Variants in ENTREP2 observed in about 807,000 individuals in gnomAD.
ENTREP2 encodes the protein endosomal transmembrane epsin interactor 2, also known as protein ENTREP2.
the ENTREP2 span, among the ~76,000 whole-genome samples, chr15:29,189,908 C>G: frequency 3.2e-3 from 490 of 152,324 alleles, 3 homozygotes; most frequent in African/African-American, 0.011. Flanking sequence ...GAACGGGGGT[C>G]TGTAGCCTTG....
the ENTREP2 span, chr15:29,268,462 G>A: frequency 2.2e-4 from 62 of 287,784 alleles, no homozygotes; most frequent in African/African-American, 1.3e-3. Context: ...TATTTTCTTG[G>A]CACCAAAGCA....
At chr15:29,118,528 A>G in the ENTREP2 span, among the ~76,000 whole-genome samples, 5 of 152,188 alleles carry the variant, frequency 3.3e-5, no homozygotes, top group African/African-American at 9.6e-5. Flanking sequence ...CCCCGCTGCA[A>G]CTGGAGGTGC....
At chr15:29,590,420 C>T in the ENTREP2 span, among the ~76,000 whole-genome samples, 2 of 152,066 alleles carry the variant, frequency 1.3e-5, no homozygotes. Context: ...CGGTGGCTCA[C>T]GCCTGTAATC....
chr15:29,345,968 T>C, the ENTREP2 span, among the ~76,000 whole-genome samples: 11,928 of 152,104 alleles, frequency 0.078, 914 homozygotes, highest in African/African-American at 0.2. Flanking sequence ...TCACACCAAT[T>C]CCACAAATTA....
chr15:29,294,144 T>G, the ENTREP2 span, among the ~76,000 whole-genome samples: 1 of 152,074 alleles, frequency 6.6e-6, no homozygotes, highest in Non-Finnish European at 1.5e-5. Context: ...AGGGTGGGTA[T>G]GGGCAGCCAG....
chr15:29,184,525 T>C, the ENTREP2 span, among the ~76,000 whole-genome samples: 1 of 152,090 alleles, frequency 6.6e-6, no homozygotes, highest in Non-Finnish European at 1.5e-5. Flanking sequence ...CTACCACCAG[T>C]TGAGTCTGCA....
At chr15:29,652,420 A>G in the ENTREP2 span, among the ~76,000 whole-genome samples, 1 of 152,324 alleles carries the variant, frequency 6.6e-6, no homozygotes, top group Non-Finnish European at 1.5e-5. Context: ...TCCTGGTTGC[A>G]GGGTAAGAAC....
the ENTREP2 span, among the ~76,000 whole-genome samples, chr15:29,312,057 A>G: frequency 4.6e-5 from 7 of 152,346 alleles, no homozygotes; most frequent in Admixed American, 4.6e-4. Context: ...ATGCCTAACA[A>G]GATAGAAAAT....
At chr15:29,157,603 C>G in the ENTREP2 span, among the ~76,000 whole-genome samples, 1 of 152,282 alleles carries the variant, frequency 6.6e-6, no homozygotes, top group South Asian at 2.1e-4. Context: ...CATTTTTGAG[C>G]AGGAAGTTGG....
At chr15:29,517,978 T>G in the ENTREP2 span, among the ~76,000 whole-genome samples, 2 of 152,208 alleles carry the variant, frequency 1.3e-5, no homozygotes, top group African/African-American at 4.8e-5. Context: ...GGTTCATGTT[T>G]GTAATTCTAA....
chr15:29,308,677 C>T, the ENTREP2 span, among the ~76,000 whole-genome samples: 67 of 152,298 alleles, frequency 4.4e-4, 2 homozygotes, highest in African/African-American at 1.6e-3. Flanking sequence ...TGGTACCTTG[C>T]ACATAACAGG....
the ENTREP2 span, among the ~76,000 whole-genome samples, chr15:29,305,456 A>G: frequency 1.3e-5 from 2 of 152,240 alleles, no homozygotes; most frequent in African/African-American, 4.8e-5. Flanking sequence ...GCCTTGGTCC[A>G]GCAAGAGATT....
chr15:29,381,919 A>G, the ENTREP2 span: 2 of 1,251,420 alleles, frequency 1.6e-6, no homozygotes, highest in Non-Finnish European at 2.3e-6. Flanking sequence ...CAACCCGGAG[A>G]AGGACGTGTG....
chr15:29,266,493 G>A, the ENTREP2 span: 2 of 152,130 alleles, frequency 1.3e-5, no homozygotes, highest in South Asian at 2.1e-4. Flanking sequence ...CAAAGAACTG[G>A]AAAGACCTTA....
At chr15:29,660,972 C>A in the ENTREP2 span, among the ~76,000 whole-genome samples, 1 of 152,038 alleles carries the variant, frequency 6.6e-6, no homozygotes, top group Non-Finnish European at 1.5e-5. Flanking sequence ...GGAACCAATC[C>A]CCCTCAGATA....
the ENTREP2 span, among the ~76,000 whole-genome samples, chr15:29,531,605 T>C: frequency 0.012 from 1,789 of 152,346 alleles, 30 homozygotes; most frequent in African/African-American, 0.041. Flanking sequence ...TACATATTTA[T>C]TGTACAATTT....
At chr15:29,454,952 T>C in the ENTREP2 span, among the ~76,000 whole-genome samples, 1 of 152,160 alleles carries the variant, frequency 6.6e-6, no homozygotes, top group Admixed American at 6.5e-5. Context: ...CTGTGGCAGA[T>C]CACACAAAAA....
chr15:29,575,816 A>G, the ENTREP2 span, among the ~76,000 whole-genome samples: 1 of 152,238 alleles, frequency 6.6e-6, no homozygotes, highest in African/African-American at 2.4e-5. Context: ...AGGCTTGTAC[A>G]CTGAAAACAT....
chr15:29,628,701 T>G, the ENTREP2 span, among the ~76,000 whole-genome samples: 1 of 152,200 alleles, frequency 6.6e-6, no homozygotes, highest in Admixed American at 6.5e-5. Context: ...TGTCCTTTGG[T>G]GTTTGGTACA....
Sources: gnomAD v4.1 joint callset for allele counts (sites outside exome capture counted in the v4.1 genomes callset) on GRCh38, gnomAD v4.1.1 for gene constraint, MANE v1.5 for transcripts, NCBI Gene and HGNC (gene_info 2026-07-23, HGNC 2026-07-21) for gene names.